HMCN2: variants seen among roughly 807,000 people sequenced by gnomAD.
The protein encoded by HMCN2 is hemicentin-2.
HMCN2 carries 325 observed loss-of-function variants against 377.5 expected under a neutral mutation model. The ratio of observed to expected loss-of-function variants is 0.86; its 90% CI spans 0.79 to 0.94. The LOEUF (loss-of-function observed/expected upper bound fraction) is 0.94. HMCN2 is among the 40% of genes least tolerant of loss of function. The pLI, the probability that HMCN2 is intolerant of heterozygous loss-of-function variation, is 0.00. For synonymous variants in HMCN2, 2,007 were observed against 2,046.8 expected (o/e 0.98, Z 0.53); for missense variants, 4,543 against 4,725.3 (o/e 0.96, Z 1.13).
Position 130,361,933 on chromosome 9 carries a change from G to A in HMCN2, c.5951-75G>A. ...GCTGTGGCTGTGTGCTCCTGCAGGG[G>A]TGCCCAGCCAGGGGCCCTGCCTGCT... On this transcript the variant is annotated intron_variant, in intron 38 of 97. Coordinates refer to ENST00000683500, the MANE Select transcript of HMCN2 (RefSeq NM_001291815.2). This position sits in a 1 kb window ranked among gnomAD's most constrained non-coding sequence, Gnocchi z 4.8. The A allele has an allele frequency of 1.1e-6, 1 of 937,566 alleles. No homozygotes were observed. The highest frequency in any genetic ancestry group is 1.3e-6 in the Non-Finnish European group (1 of 785,974). The allele number at this position is 937,566 out of a possible 1,614,324, so 58.1% of individuals were successfully genotyped here.
At chr9:130,280,813 T>C (rs1835070135) in intron 1 of HMCN2, among the ~76,000 whole-genome samples, 1 of 152,124 alleles carries the variant, frequency 6.6e-6, no homozygotes, top group Admixed American at 6.6e-5. Flanking sequence ...TTGGTAGAAA[T>C]ACAGGCAATT....
chr9:130,360,560 A>G lies in HMCN2; in HGVS notation c.5906A>G (p.Asn1969Ser). 7.7e-7 allele frequency: 1 copy of G among 1,304,168 alleles called. No homozygotes were observed. Among genetic ancestry groups the G allele is most frequent in the Non-Finnish European group, 1.0e-6 (1 of 988,876 alleles). 80.8% of individuals were successfully genotyped at this position (1,304,168 alleles called of 1,614,324 possible). A position where few individuals can be genotyped will look rare whatever the true frequency, so the allele number is the denominator to read the frequency against. ...GGGAGCTACCGCTGTGTGGCATCCA[A>G]TGTGGCAGGTAGCACAGAGCTGCGG... ...DAGSYRCVAS[N>S]VAGSTELRYG... Residue 1969 changes from asparagine to serine, a missense_variant, in exon 38 of 98, where the codon AAT (asparagine) becomes AGT (serine). Around this residue, in one of 5 missense-constraint regions of HMCN2, gnomAD observed 1,032 missense variants for 1,285.1 expected, o/e 0.80. Transcript: ENST00000683500. This position sits in a 1 kb window ranked among gnomAD's most constrained non-coding sequence, Gnocchi z 4.7.
At chr9:130,299,524 T>TACCCATTCATCCATCCATCC (rs1466235244) in intron 8 of HMCN2, among the ~76,000 whole-genome samples, 20 of 146,682 alleles carry the variant, frequency 1.4e-4, no homozygotes, top group African/African-American at 4.7e-4. Context: ...TTCATCCATC[T>TACCCATTCATCCATCCATCC]ACCCATTCAT....
At position 130,425,847 on chromosome 9, in the gene HMCN2, G is replaced by A. The variant is rs780165429; in HGVS notation, c.13802G>A (p.Arg4601Gln). The change falls in exon 90 of 98, where the codon CGG becomes CAG. Residue 4601 changes from arginine to glutamine, a missense_variant. Coordinates refer to ENST00000683500, the MANE Select transcript of HMCN2 (RefSeq NM_001291815.2). ...GPQPQLVQHLRASAISSAFDP... is the reference protein window; with the variant it reads ...GPQPQLVQHLQASAISSAFDP... ...CAGCCCCAGCTGGTGCAGCACCTGC[G>A]GGCCTCAGCTATCAGCTCGGCCTTT... 9.7e-6 allele frequency: 15 copies of A among 1,550,284 alleles called. No individual in the cohort carries two copies. The highest frequency in any genetic ancestry group is 1.4e-5 in the African/African-American group (1 of 73,044).
At chr9:130,305,118 C>T in intron 11 of HMCN2, 116 bp downstream of exon 11, 2 of 378,722 alleles carry the variant, frequency 5.3e-6, no homozygotes, top group South Asian at 1.9e-5. Flanking sequence ...GCAATAGCAG[C>T]CTTTTCAGTG....
rs1236949002 is a variant in HMCN2 at position 130,427,641 on chromosome 9, G to T, written c.14065+22G>T. 11 of 1,544,756 alleles carry T rather than the reference G, an allele frequency of 7.1e-6. No homozygotes were observed. In the African/African-American group the frequency reaches 1.2e-4, roughly 17 times the overall value. On this transcript the variant is annotated intron_variant, in intron 92 of 97. Transcript: ENST00000683500. ...AGAGGTGAGGGAGCTGCCGGGAGGA[G>T]GGAGGAGACGCGCTCCTCAGACCTG...
chr9:130,290,230 G>A (rs1835680509), intron 4 of HMCN2, among the ~76,000 whole-genome samples: 1 of 152,226 alleles, frequency 6.6e-6, no homozygotes, highest in South Asian at 2.1e-4. Context: ...CCCAGGCCTG[G>A]CCCTACAGGG....
chr9:130,344,474 T>G lies in HMCN2; in HGVS notation c.3829+2038T>G, dbSNP rs2131491542. On this transcript the variant is annotated intron_variant, in intron 25 of 97. Transcript: ENST00000683500. ...TGGTGTTTGGTGTATGTTGTGTGTG[T>G]GGTGTGCATGGTGTTTGTGTGTGGT... Among the ~76,000 whole-genome samples, 3 of 151,414 alleles carry G rather than the reference T, an allele frequency of 2.0e-5. No individual in the cohort carries two copies. In the South Asian group the frequency reaches 6.3e-4, roughly 32 times the overall value.
chr9:130,412,298 T>C (rs1351134360), intron 85 of HMCN2, among the ~76,000 whole-genome samples: 2 of 152,148 alleles, frequency 1.3e-5, no homozygotes, highest in Non-Finnish European at 2.9e-5. Context: ...AATGGAGTTG[T>C]TTATTTTACT....
intron 86 of HMCN2, among the ~76,000 whole-genome samples, chr9:130,421,301 C>T (rs1843990085): frequency 6.6e-6 from 1 of 152,144 alleles, no homozygotes; most frequent in South Asian, 2.1e-4. Context: ...TCCCCAAAGC[C>T]ACACCGTGCT....
intron 22 of HMCN2, among the ~76,000 whole-genome samples, chr9:130,336,844 A>G (rs1838779379): frequency 6.7e-6 from 1 of 148,654 alleles, no homozygotes; most frequent in Non-Finnish European, 1.5e-5. Context: ...TGATCCTTGC[A>G]GCTGCCCGCG....
intron 49 of HMCN2, 76 bp from the exon 50 acceptor site, chr9:130,375,487 G>A: frequency 1.2e-6 from 1 of 849,802 alleles, no homozygotes; most frequent in Non-Finnish European, 1.4e-6. Flanking sequence ...AAGCACCGGG[G>A]TCTGAGGCTT....
chr9:130,323,089 T>A (rs1837938411), intron 19 of HMCN2, among the ~76,000 whole-genome samples: 1 of 151,944 alleles, frequency 6.6e-6, no homozygotes, highest in African/African-American at 2.4e-5. Flanking sequence ...ATCTGCTAGT[T>A]TCTATATATG....
At chr9:130,416,693 G>A (rs1021287954) in intron 85 of HMCN2, among the ~76,000 whole-genome samples, 11 of 152,276 alleles carry the variant, frequency 7.2e-5, no homozygotes, top group African/African-American at 2.4e-4. Flanking sequence ...AGGAGCAGAA[G>A]CGCTAGGTCT....
In HMCN2 at chr9:130,422,514, G is replaced by A. The variant is rs1217545264; in HGVS notation, c.13232-63G>A. 2.4e-6 allele frequency: 3 copies of A among 1,231,828 alleles called. No individual in the cohort carries two copies. Among genetic ancestry groups the A allele is most frequent in the African/African-American group, 1.6e-5 (1 of 63,930 alleles). 76.3% of individuals were successfully genotyped at this position (1,231,828 alleles called of 1,614,324 possible). ...CTTCACGAAATGGGAATGACAGCCT[G>A]CTTGTGCTGTGGGCCCCGGGGTGGA... On this transcript the variant is annotated intron_variant, in intron 86 of 97. Transcript: ENST00000683500. The surrounding 1 kb of genome is among the most constrained non-coding windows in gnomAD (Gnocchi z 4.2).
In HMCN2 at chr9:130,394,705, G is replaced by A. The variant is rs2131688331; in HGVS notation, c.10692+130G>A. 10 of 760,602 alleles carry A rather than the reference G, an allele frequency of 1.3e-5. No individual in the cohort carries two copies. Among genetic ancestry groups the A allele is most frequent in the Middle Eastern group, 5.6e-4 (1 of 1,778 alleles). The allele number at this position is 760,602 out of a possible 1,614,324, so 47.1% of individuals were successfully genotyped here. A position where few individuals can be genotyped will look rare whatever the true frequency, so the allele number is the denominator to read the frequency against. Reference sequence around the variant, plus strand: ...CCTCCTCTGTGTGGGGTGTGAGGGTGTGGAGGTGACCCACCTTGGCCGTGC... The same window carrying A: ...CCTCCTCTGTGTGGGGTGTGAGGGTATGGAGGTGACCCACCTTGGCCGTGC... On this transcript the variant is annotated intron_variant, in intron 69 of 97. Coordinates refer to ENST00000683500, the MANE Select transcript of HMCN2 (RefSeq NM_001291815.2). This position sits in a 1 kb window ranked among gnomAD's most constrained non-coding sequence, Gnocchi z 5.1.
At position 130,393,724 on chromosome 9, in the gene HMCN2, C is replaced by G; in HGVS notation, c.10235-18C>G. 8.2e-7 allele frequency: 1 copy of G among 1,217,052 alleles called. No homozygotes were observed. The highest frequency in any genetic ancestry group is 1.0e-6 in the Non-Finnish European group (1 of 954,848). 75.4% of individuals were successfully genotyped at this position (1,217,052 alleles called of 1,614,324 possible). On this transcript the variant is annotated intron_variant, in intron 67 of 97. Transcript: ENST00000683500. The surrounding 1 kb of genome is among the most constrained non-coding windows in gnomAD (Gnocchi z 5.2). ...CCTGGAATAAAATGGTTCCTGCCCA[C>G]CTTTCTGCCCTCCATAGTGCCCCCT...
intron 40 of HMCN2, among the ~76,000 whole-genome samples, chr9:130,363,619 C>T (rs1306788175): frequency 4.6e-5 from 7 of 151,838 alleles, no homozygotes; most frequent in Non-Finnish European, 8.8e-5. Flanking sequence ...GTCAGGAGTT[C>T]GAGACCAGCC....
chr9:130,284,839 C>T (rs1044625129), intron 2 of HMCN2, among the ~76,000 whole-genome samples, 166 bp downstream of exon 2: 1 of 152,206 alleles, frequency 6.6e-6, no homozygotes, highest in Non-Finnish European at 1.5e-5. Context: ...TCCCATGGCC[C>T]CCTCCATCCT....
Sources: allele counts gnomAD v4.1 joint callset (sites outside exome capture counted in the v4.1 genomes callset), GRCh38; gene constraint gnomAD v4.1.1; regional missense constraint gnomAD v4.1.1; non-coding constraint Gnocchi (gnomAD v3.1); transcripts MANE v1.5; gene names NCBI Gene and HGNC (gene_info 2026-07-23, HGNC 2026-07-21).